Variants in TAFA5 observed in about 807,000 individuals in gnomAD.
TAFA5 encodes the protein chemokine-like protein TAFA-5.
TAFA5 carries 6 observed loss-of-function variants against 15.3 expected under a neutral mutation model. The ratio of observed to expected loss-of-function variants is 0.39; its 90% CI spans 0.21 to 0.77. The LOEUF (loss-of-function observed/expected upper bound fraction) is 0.77. Among genes scored for constraint, TAFA5 ranks in the 30% least tolerant of loss-of-function variants. The probability of loss-of-function intolerance (pLI) is 0.41; values close to 1 mark genes in which losing one functional copy is unlikely to be tolerated. For missense variants in TAFA5, 161 were observed against 193.1 expected (o/e 0.83, Z 0.98); for synonymous variants, 103 against 80.7 (o/e 1.28, Z -1.48).
intron 1 of TAFA5, among the ~76,000 whole-genome samples, chr22:48,542,610 G>A (rs1601567205): frequency 8.8e-6 from 1 of 114,094 alleles, no homozygotes; most frequent in African/African-American, 3.5e-5. Context: ...TGTGTGTGTG[G>A]TGTGTGTGTG....
intron 1 of TAFA5, among the ~76,000 whole-genome samples, chr22:48,515,222 A>G (rs920406267): frequency 2.0e-5 from 3 of 151,624 alleles, no homozygotes; most frequent in African/African-American, 7.3e-5. Context: ...TCCTCTCAGC[A>G]GTGGGTGAAG....
chr22:48,539,855 G>A (rs929098614), intron 1 of TAFA5, among the ~76,000 whole-genome samples: 15 of 152,184 alleles, frequency 9.9e-5, no homozygotes, highest in Non-Finnish European at 1.8e-4. Flanking sequence ...GGGAAACTTC[G>A]AAGTCCCAGA....
At chr22:48,726,991 G>A (rs890770201) in intron 3 of TAFA5, among the ~76,000 whole-genome samples, 10 of 152,146 alleles carry the variant, frequency 6.6e-5, no homozygotes, top group African/African-American at 1.9e-4. Context: ...TCTTCCGTAC[G>A]GGGTCACTCT....
At chr22:48,622,221 T>G (rs895256911) in intron 1 of TAFA5, among the ~76,000 whole-genome samples, 2 of 152,064 alleles carry the variant, frequency 1.3e-5, no homozygotes, top group Non-Finnish European at 2.9e-5. Flanking sequence ...TTACCCTGAT[T>G]GCTCTATCCC....
intron 1 of TAFA5, chr22:48,546,728 CA>C: frequency 2.5e-6 from 1 of 396,782 alleles, no homozygotes; most frequent in Non-Finnish European, 5.2e-6. Context: ...TCATGTTCCA[CA>C]CTCAAATGCC....
Position 48,681,651 on chromosome 22 carries a change from CAAAAAAAAAAA to C in TAFA5, c.263-26061_263-26051del, listed in dbSNP as rs11327855. On this transcript the variant is annotated intron_variant, in intron 2 of 3. Coordinates refer to ENST00000402357, the MANE Select transcript of TAFA5 (RefSeq NM_001082967.3). ...GGGTGACAGAGCAAGACTCCATCTC[CAAAAAAAAAAA>C]AAAAGAAAAGAAAAAAGAAAAAAAC... Among the ~76,000 whole-genome samples the C allele has an allele frequency of 2.5e-5, 3 of 120,738 alleles. 1 individual carries two copies. The highest frequency in any genetic ancestry group is 7.5e-3 in the Middle Eastern group (2 of 268). 79.2% of individuals were successfully genotyped at this position (120,738 alleles called of 152,430 possible).
chr22:48,538,246 G>A lies in TAFA5; in HGVS notation c.112+48542G>A, dbSNP rs182189628. 3.4e-3 allele frequency among the ~76,000 whole-genome samples: 517 copies of A among 152,254 alleles called. 4 individuals are homozygous for A. The highest frequency in any genetic ancestry group is 0.011 in the African/African-American group (477 of 41,560). On this transcript the variant is annotated intron_variant, in intron 1 of 3. Transcript: ENST00000402357. ...CGCTGCCAGCTCCTGGTTTAGGGGC[G>A]GGGATGGGAGATGGGACTGAGCAGG... is the stretch of plus-strand genomic sequence containing the variant.
intron 1 of TAFA5, among the ~76,000 whole-genome samples, chr22:48,503,059 A>G (rs1920962177): frequency 6.6e-6 from 1 of 152,146 alleles, no homozygotes; most frequent in Admixed American, 6.5e-5. Flanking sequence ...TCTTCCATGC[A>G]GTCATCTGTG....
At chr22:48,730,814 C>T (rs376372357) in intron 3 of TAFA5, among the ~76,000 whole-genome samples, 4 of 152,134 alleles carry the variant, frequency 2.6e-5, no homozygotes, top group East Asian at 3.9e-4. Flanking sequence ...CTCCTCTCCA[C>T]GGGCCTCCCT....
At chr22:48,707,991 A>AC (rs1367022651) in intron 3 of TAFA5, 147 bp downstream of exon 3, 19 of 1,075,036 alleles carry the variant, frequency 1.8e-5, no homozygotes, top group African/African-American at 3.2e-5. Context: ...CTCCTCCCCC[A>AC]CCTCCCTCTC....
chr22:48,534,993 TCCCCAGCCAGCTCTGTCA>T (rs919502403), intron 1 of TAFA5, among the ~76,000 whole-genome samples: 4 of 151,980 alleles, frequency 2.6e-5, no homozygotes, highest in South Asian at 2.1e-4. Context: ...CACTCGTGGG[TCCCCAGCCAGCTCTGTCA>T]CCCCAGCCAG....
At chr22:48,612,923 G>A (rs918577866) in intron 1 of TAFA5, among the ~76,000 whole-genome samples, 3 of 152,132 alleles carry the variant, frequency 2.0e-5, no homozygotes, top group Non-Finnish European at 2.9e-5. Context: ...ACAGTGAGCC[G>A]GTGGCCTGGT....
At chr22:48,616,996 G>A (rs1925631333) in intron 1 of TAFA5, among the ~76,000 whole-genome samples, 1 of 152,198 alleles carries the variant, frequency 6.6e-6, no homozygotes, top group South Asian at 2.1e-4. Context: ...ACAAAACCAG[G>A]GCTGGGCTGG....
intron 1 of TAFA5, among the ~76,000 whole-genome samples, chr22:48,574,169 G>T (rs2147139943): frequency 6.6e-6 from 1 of 152,352 alleles, no homozygotes; most frequent in Admixed American, 6.5e-5. Flanking sequence ...AGAGAGAATG[G>T]CTAGTCCCTC....
intron 1 of TAFA5, chr22:48,546,541 G>C (rs752523222): frequency 2.1e-6 from 1 of 471,212 alleles, no homozygotes; most frequent in South Asian, 1.5e-5. Context: ...GCTGTGGGAT[G>C]AGAGATACGG....
At chr22:48,749,165 G>C (rs1034142589) in intron 3 of TAFA5, among the ~76,000 whole-genome samples, 10 of 152,180 alleles carry the variant, frequency 6.6e-5, no homozygotes, top group African/African-American at 2.2e-4. Context: ...GGATTGCTTG[G>C]AGCACCAGAA....
chr22:48,556,628 T>G (rs1308570814), intron 1 of TAFA5, among the ~76,000 whole-genome samples: 2 of 152,234 alleles, frequency 1.3e-5, no homozygotes, highest in East Asian at 3.9e-4. Flanking sequence ...GGCTCTGGTC[T>G]GCAGGGCACA....
chr22:48,593,558 C>T (rs577011442), intron 1 of TAFA5, among the ~76,000 whole-genome samples: 1 of 152,258 alleles, frequency 6.6e-6, no homozygotes, highest in South Asian at 2.1e-4. Context: ...GGGCTAGTGC[C>T]AAGTTGAGAG....
chr22:48,531,845 C>A (rs575993153), intron 1 of TAFA5, among the ~76,000 whole-genome samples: 1 of 152,182 alleles, frequency 6.6e-6, no homozygotes, highest in African/African-American at 2.4e-5. Flanking sequence ...CTCCCACCCC[C>A]CAACTCCCCC....
Sources: gnomAD v4.1 joint callset for allele counts (sites outside exome capture counted in the v4.1 genomes callset) on GRCh38, gnomAD v4.1.1 for gene constraint, MANE v1.5 for transcripts, NCBI Gene and HGNC (gene_info 2026-07-23, HGNC 2026-07-21) for gene names.